TRIM22: variants seen among roughly 807,000 people sequenced by gnomAD.
The protein encoded by TRIM22 is E3 ubiquitin-protein ligase TRIM22.
In TRIM22, 45 loss-of-function variants were observed where a neutral mutation model predicts 53.6. That is an observed-to-expected ratio of 0.84 (90% confidence interval 0.66 to 1.08). The LOEUF (loss-of-function observed/expected upper bound fraction) is 1.08, where lower values mean the gene tolerates loss of function less well. TRIM22 is among the 50% of genes least tolerant of loss of function. The pLI is 0.00. For synonymous variants in TRIM22, 225 were observed against 216.6 expected (o/e 1.04, Z -0.34); for missense variants, 616 against 590.9 (o/e 1.04, Z -0.44).
At chr11:5,693,134 G>A (rs55645518) in intron 1 of TRIM22, among the ~76,000 whole-genome samples, 20,459 of 148,556 alleles carry the variant, frequency 0.14, 1,541 homozygotes, top group South Asian at 0.2. Flanking sequence ...TAATCTGCCC[G>A]CCTCGGCCCC....
chr11:5,700,833 A>G (rs978524079), intron 4 of TRIM22, among the ~76,000 whole-genome samples: 2 of 151,912 alleles, frequency 1.3e-5, no homozygotes, highest in African/African-American at 4.8e-5. Flanking sequence ...CATGTTGGGC[A>G]GGCTGGTTTT....
rs77182256 is a variant in TRIM22 at position 5,702,625 on chromosome 11, T to C, written c.751-3969T>C. Among the ~76,000 whole-genome samples the C allele has an allele frequency of 2.5e-3, 382 of 152,100 alleles. 1 individual carries two copies. Among genetic ancestry groups the C allele is most frequent in the Admixed American group, 5.8e-3 (89 of 15,274 alleles). On this transcript the variant is annotated intron_variant, in intron 4 of 7. Transcript: ENST00000379965. Reference sequence around the variant, plus strand: ...AGAGTATCCTCAATCTTGAGTAACGTTGCTGTCATTCATTTCACTTATCCA... The same window carrying C: ...AGAGTATCCTCAATCTTGAGTAACGCTGCTGTCATTCATTTCACTTATCCA...
rs780624513 is a variant in TRIM22 at position 5,708,257 on chromosome 11, G to C, written c.858G>C (p.Met286Ile). Residue 286 changes from methionine (M) to isoleucine (I), a missense_variant, in exon 6 of 8, where the codon ATG becomes ATC. Coordinates refer to ENST00000379965, the MANE Select transcript of TRIM22 (RefSeq NM_006074.5). ...SVFRVPDLSG[M>I]LQVLKELTDV... ...TCCGAGTACCAGATCTGAGTGGGAT[G>C]CTGCAAGTTCTTAAAGGTAAGGGGA... is the stretch of plus-strand genomic sequence containing the variant. 7 of 1,614,012 alleles carry C rather than the reference G, an allele frequency of 4.3e-6. No homozygotes were observed. The highest frequency in any genetic ancestry group is 5.1e-6 in the Non-Finnish European group (6 of 1,179,846).
chr11:5,691,817 C>T (rs552512247), intron 1 of TRIM22, among the ~76,000 whole-genome samples: 3 of 152,144 alleles, frequency 2.0e-5, no homozygotes, highest in African/African-American at 7.2e-5. Flanking sequence ...CTGATGTGTC[C>T]TTTTCTTTGT....
rs564454023 is a variant in TRIM22, at chr11:5,693,582, G to T, written c.-66-2585G>T. On this transcript the variant is annotated intron_variant, in intron 1 of 7. Transcript: ENST00000379965. ...AAAAAGACACCAAAAAATCACCCGG[G>T]TGTGGTGGCGGGCGCCTGTAGTCCC... Among the ~76,000 whole-genome samples the T allele has an allele frequency of 9.2e-5, 14 of 151,952 alleles. No homozygotes were observed. The East Asian group carries it at 2.7e-3, about 30-fold the overall frequency.
chr11:5,710,632 T>C lies in TRIM22; in HGVS notation c.*984T>C, dbSNP rs568630753. 3.3e-5 allele frequency: 5 copies of C among 152,360 alleles called. No homozygotes were observed. The highest frequency in any genetic ancestry group is 3.4e-3 in the Middle Eastern group (1 of 294). The allele number at this position is 152,360 out of a possible 1,614,324, so 9.4% of individuals were successfully genotyped here. A position where few individuals can be genotyped will look rare whatever the true frequency, so the allele number is the denominator to read the frequency against. ...AAATAATTTACTTAATGTATTTTGG[T>C]GTATTTTCCTCAAATTAATATTGGT... is the stretch of plus-strand genomic sequence containing the variant. On this transcript the variant is annotated 3_prime_UTR_variant, in exon 8 of 8. Transcript: ENST00000379965.
chr11:5,695,339 C>A (rs1336239176), intron 1 of TRIM22, among the ~76,000 whole-genome samples: 3 of 151,892 alleles, frequency 2.0e-5, no homozygotes, highest in African/African-American at 7.3e-5. Context: ...GAGAGAGGAG[C>A]AAGTGCAAAA....
chr11:5,699,899 AT>A (rs890246569), intron 4 of TRIM22, among the ~76,000 whole-genome samples: 64 of 149,116 alleles, frequency 4.3e-4, no homozygotes, highest in Middle Eastern at 3.4e-3. Flanking sequence ...TGCTATTGTA[AT>A]TTTTTTTTTA....
Position 5,709,522 on chromosome 11 carries a change from C to A in TRIM22, c.1371C>A (p.Phe457Leu). 6.2e-7 allele frequency: 1 copy of A among 1,614,100 alleles called. No homozygotes were observed. ...LDYEAGIVSF[F>L]NVTNHGALIY... ...ATGAGGCAGGCATTGTCTCATTTTT[C>A]AATGTCACAAACCACGGAGCACTCA... Residue 457 changes from phenylalanine (F) to leucine (L), a missense_variant, in exon 8 of 8, where the codon TTC becomes TTA. By Grantham distance (22) the Phe-to-Leu change is conservative (BLOSUM62 0). Transcript: ENST00000379965.
At chr11:5,690,590 G>A (rs78853815) in intron 1 of TRIM22, among the ~76,000 whole-genome samples, 12,335 of 152,138 alleles carry the variant, frequency 0.081, 543 homozygotes, top group Middle Eastern at 0.095. Context: ...AAAGGAAAGA[G>A]AAGAGAAGAA....
Position 5,709,628 on chromosome 11 carries a change from G to A in TRIM22, c.1477G>A (p.Val493Met), listed in dbSNP as rs765665850. 2 of 1,605,024 alleles carry A rather than the reference G, an allele frequency of 1.2e-6. No individual in the cohort carries two copies. Among genetic ancestry groups the A allele is most frequent in the East Asian group, 2.2e-5 (1 of 44,864 alleles). The change falls in exon 8 of 8, where the codon GTG (valine) becomes ATG (methionine). Residue 493 changes from valine (V) to methionine (M), a missense_variant. Transcript: ENST00000379965. ...NPWNCLVPMT[V>M]CPPSS The stretch of plus-strand genomic sequence containing the variant: ...TTGGAACTGCCTAGTCCCCATGACT[G>A]TGTGCCCACCGAGCTCCTGAGTGTT...
chr11:5,698,497 C>G lies in TRIM22; in HGVS notation c.702C>G (p.Ile234Met), dbSNP rs1282196567. The change falls in exon 4 of 8, where the codon ATC becomes ATG. Residue 234 changes from isoleucine (I) to methionine (M), a missense_variant. By Grantham distance (10) the Ile-to-Met change is conservative (BLOSUM62 1). Coordinates refer to ENST00000379965, the MANE Select transcript of TRIM22 (RefSeq NM_006074.5). ...VQQRQDASTL[I>M]SDLQRRLRGS... ...AGAGGCAGGATGCCAGCACGCTCAT[C>G]TCAGATCTCCAGCGGAGGTTGAGGG... 28 of 1,613,982 alleles carry G rather than the reference C, an allele frequency of 1.7e-5. No homozygotes were observed. Among genetic ancestry groups the G allele is most frequent in the Non-Finnish European group, 2.4e-5 (28 of 1,179,898 alleles).
At position 5,709,678 on chromosome 11, in the gene TRIM22, T is replaced by C. The variant is rs748912389; in HGVS notation, c.*30T>C. The stretch of plus-strand genomic sequence containing the variant: ...TCTCATTCCTTTACCCACTTCTGCA[T>C]AGTAGCCCTTGTGCTGAGACTCAGA... On this transcript the variant is annotated 3_prime_UTR_variant, in exon 8 of 8. Coordinates refer to ENST00000379965, the MANE Select transcript of TRIM22 (RefSeq NM_006074.5). The C allele has an allele frequency of 3.2e-6, 5 of 1,567,900 alleles. No homozygotes were observed. The highest frequency in any genetic ancestry group is 1.3e-5 in the African/African-American group (1 of 74,196).
chr11:5,698,272 C>CA, intron 3 of TRIM22, 43 bp from the exon 4 acceptor site: 1 of 1,561,654 alleles, frequency 6.4e-7, no homozygotes, highest in Non-Finnish European at 8.8e-7. Context: ...AGCAGGCCTT[C>CA]AACCAGCCAG....
At position 5,709,782 on chromosome 11, in the gene TRIM22, C is replaced by A. The variant is rs951080827; in HGVS notation, c.*134C>A. 7.6e-6 allele frequency: 6 copies of A among 794,448 alleles called. No homozygotes were observed. The African/African-American group carries it at 8.6e-5, about 11-fold the overall frequency. 49.2% of individuals were successfully genotyped at this position (794,448 alleles called of 1,614,324 possible). A position where few individuals can be genotyped will look rare whatever the true frequency, so the allele number is the denominator to read the frequency against. The stretch of plus-strand genomic sequence containing the variant: ...CTTTTACTTAGAATGTCTTTGTATT[C>A]ATTTGCTAGGGCTTCCATAGCAAAG... On this transcript the variant is annotated 3_prime_UTR_variant, in exon 8 of 8. Coordinates refer to ENST00000379965, the MANE Select transcript of TRIM22 (RefSeq NM_006074.5).
intron 1 of TRIM22, among the ~76,000 whole-genome samples, chr11:5,694,877 A>T: frequency 6.6e-6 from 1 of 152,084 alleles, no homozygotes; most frequent in Non-Finnish European, 1.5e-5. Flanking sequence ...ATGTGTTAGG[A>T]TGTAAACACT....
chr11:5,708,991 C>A, intron 7 of TRIM22, 62 bp from the exon 8 acceptor site: 1 of 1,285,236 alleles, frequency 7.8e-7, no homozygotes, highest in South Asian at 1.3e-5. Context: ...TATGTCTCTT[C>A]TCAATGCTGT....
chr11:5,697,186 G>A, intron 2 of TRIM22, 62 bp from the exon 3 acceptor site: 1 of 1,286,814 alleles, frequency 7.8e-7, no homozygotes, highest in Non-Finnish European at 1.1e-6. Context: ...CTTCCTTGCT[G>A]TCCTCTATTC....
chr11:5,703,111 G>T (rs1853398895), intron 4 of TRIM22, among the ~76,000 whole-genome samples: 1 of 152,158 alleles, frequency 6.6e-6, no homozygotes, highest in Non-Finnish European at 1.5e-5. Context: ...TGGGAATATT[G>T]GGTGATGCTG....
Sources: gnomAD v4.1 joint callset for allele counts (sites outside exome capture counted in the v4.1 genomes callset) on GRCh38, gnomAD v4.1.1 for gene constraint, MANE v1.5 for transcripts, NCBI Gene and HGNC (gene_info 2026-07-23, HGNC 2026-07-21) for gene names.